HERC3: variants seen among roughly 807,000 people sequenced by gnomAD.
The protein encoded by HERC3 is HECT and RLD domain containing E3 ubiquitin protein ligase 3.
Under a neutral mutation model 129.9 loss-of-function variants are expected in HERC3, and 58 were observed. That is an observed-to-expected ratio of 0.45 (90% CI 0.36 to 0.56). The LOEUF (loss-of-function observed/expected upper bound fraction) is 0.56. Ranked by LOEUF, HERC3 falls within the 20% of genes least tolerant of loss-of-function variation. The probability of loss-of-function intolerance (pLI) is 0.00; values close to 1 mark genes in which losing one functional copy is unlikely to be tolerated. For missense variants in HERC3, 835 were observed against 1,244.2 expected (o/e 0.67, Z 4.95); for synonymous variants, 430 against 451.0 (o/e 0.95, Z 0.59).
At chr4:88,571,730 C>T in the HERC3 span, among the ~76,000 whole-genome samples, 1 of 152,176 alleles carries the variant, frequency 6.6e-6, no homozygotes, top group Non-Finnish European at 1.5e-5. Flanking sequence ...AGTCTCCAAA[C>T]AACCTATATT....
At chr4:88,651,954 T>G (rs1729332894) in intron 4 of HERC3, 58 bp from the exon 5 acceptor site, 2 of 1,146,866 alleles carry the variant, frequency 1.7e-6, no homozygotes, top group Non-Finnish European at 2.6e-6. Flanking sequence ...GGAATATTTC[T>G]GATAATTGTG....
chr4:88,655,022 T>C (rs1052153578), intron 7 of HERC3, 152 bp from the exon 8 acceptor site: 2 of 586,110 alleles, frequency 3.4e-6, no homozygotes, highest in Non-Finnish European at 5.7e-6. Context: ...TATTTTTCTA[T>C]TTAATGAACA....
At chr4:88,690,580 T>C in intron 23 of HERC3, 4 of 984,890 alleles carry the variant, frequency 4.1e-6, no homozygotes, top group Non-Finnish European at 4.8e-6. Flanking sequence ...CATAGTGCTC[T>C]GTGAGTATGA....
Position 88,664,188 on chromosome 4 carries a change from G to A in HERC3, c.1307G>A (p.Trp436Ter), listed in dbSNP as rs1456229729. The A allele has an allele frequency of 6.2e-7, 1 of 1,612,952 alleles. No individual in the cohort carries two copies. The highest frequency in any genetic ancestry group is 1.3e-5 in the African/African-American group (1 of 74,752). ...VVQILSSAAC[W>*]NGSFLEKKID... Reference sequence around the variant, plus strand: ...CAGATATTATCTTCTGCAGCCTGTTGGAATGGAAGTTTTCTTGAAAAAAAG... The same window carrying A: ...CAGATATTATCTTCTGCAGCCTGTTAGAATGGAAGTTTTCTTGAAAAAAAG... Residue 436 changes from tryptophan to a stop codon, truncating the protein, a stop_gained, in exon 12 of 26, where the codon TGG (tryptophan) becomes TAG (stop). Coordinates refer to ENST00000402738, the MANE Select transcript of HERC3 (RefSeq NM_014606.3). LOFTEE classifies it high-confidence loss of function.
the HERC3 span, chr4:88,527,803 T>C: frequency 3.0e-6 from 1 of 332,034 alleles, no homozygotes; most frequent in Non-Finnish European, 5.9e-6. Context: ...TGAGGTGATC[T>C]TGGCCATCCT....
At chr4:88,570,402 T>C in the HERC3 span, among the ~76,000 whole-genome samples, 1 of 152,224 alleles carries the variant, frequency 6.6e-6, no homozygotes, top group African/African-American at 2.4e-5. Flanking sequence ...TACTATCTTA[T>C]ACAAATGTTT....
At chr4:88,607,089 T>C (rs1478030588) in intron 3 of HERC3, among the ~76,000 whole-genome samples, 1 of 152,064 alleles carries the variant, frequency 6.6e-6, no homozygotes, top group East Asian at 1.9e-4. Context: ...GTCATGCAAG[T>C]CTGTGTTATG....
the HERC3 span, among the ~76,000 whole-genome samples, chr4:88,564,230 A>C: frequency 6.6e-6 from 1 of 152,130 alleles, no homozygotes; most frequent in Admixed American, 6.5e-5. Context: ...GGTTCATCAG[A>C]TATATTGGCC....
chr4:88,531,521 T>A, the HERC3 span, among the ~76,000 whole-genome samples: 1 of 152,180 alleles, frequency 6.6e-6, no homozygotes, highest in Non-Finnish European at 1.5e-5. Context: ...ACAAATGAAA[T>A]CAATAAAAAA....
the HERC3 span, among the ~76,000 whole-genome samples, chr4:88,585,560 C>T: frequency 7.1e-6 from 1 of 141,028 alleles, no homozygotes; most frequent in African/African-American, 2.7e-5. Context: ...GAAATATTGA[C>T]TCACTTTTAT....
At chr4:88,619,676 G>A (rs185465425) in intron 3 of HERC3, among the ~76,000 whole-genome samples, 1 of 152,182 alleles carries the variant, frequency 6.6e-6, no homozygotes, top group East Asian at 1.9e-4. Flanking sequence ...AAAGGTGAGT[G>A]ATAGACTGGG....
chr4:88,681,056 C>A, intron 20 of HERC3, 103 bp from the exon 21 acceptor site: 1 of 1,467,964 alleles, frequency 6.8e-7, no homozygotes, highest in Non-Finnish European at 9.0e-7. Flanking sequence ...TTAATGAGAC[C>A]TTTATTCTTT....
intron 3 of HERC3, among the ~76,000 whole-genome samples, chr4:88,642,001 C>A (rs1375125051): frequency 6.6e-6 from 1 of 151,710 alleles, no homozygotes; most frequent in Non-Finnish European, 1.5e-5. Flanking sequence ...CATGCTGGTG[C>A]ATGCCTGTAA....
chr4:88,593,811 A>G (rs957294090), intron 1 of HERC3, among the ~76,000 whole-genome samples: 3 of 152,220 alleles, frequency 2.0e-5, no homozygotes, highest in African/African-American at 7.2e-5. Context: ...AAAGTTTTAA[A>G]TGCGGTGATC....
At chr4:88,582,454 T>C in the HERC3 span, among the ~76,000 whole-genome samples, 1 of 152,152 alleles carries the variant, frequency 6.6e-6, no homozygotes, top group Non-Finnish European at 1.5e-5. Context: ...CCAAGGTCTC[T>C]CTCTCTCCCT....
the HERC3 span, among the ~76,000 whole-genome samples, chr4:88,533,405 A>G: frequency 6.6e-6 from 1 of 152,168 alleles, no homozygotes; most frequent in Non-Finnish European, 1.5e-5. Flanking sequence ...AATCCAATCA[A>G]GTTGACACAT....
chr4:88,690,007 T>A (rs1733910694), intron 23 of HERC3: 2 of 985,340 alleles, frequency 2.0e-6, no homozygotes, highest in African/African-American at 3.5e-5. Context: ...AAGTGAGCTA[T>A]AGTATCAGAG....
chr4:88,642,990 C>A (rs1019104212), intron 3 of HERC3, among the ~76,000 whole-genome samples: 1 of 151,936 alleles, frequency 6.6e-6, no homozygotes, highest in Non-Finnish European at 1.5e-5. Flanking sequence ...AGAAAAAATT[C>A]TTTCTATTAA....
the HERC3 span, among the ~76,000 whole-genome samples, chr4:88,557,567 T>G: frequency 6.6e-6 from 1 of 152,250 alleles, no homozygotes; most frequent in Admixed American, 6.5e-5. Context: ...AAATATAGAA[T>G]GGAACTGATA....
Sources: gnomAD v4.1 joint callset for allele counts (sites outside exome capture counted in the v4.1 genomes callset) on GRCh38, gnomAD v4.1.1 for gene constraint, MANE v1.5 for transcripts, NCBI Gene and HGNC (gene_info 2026-07-23, HGNC 2026-07-21) for gene names.